The following HIVEP3 variants were observed in gnomAD, a reference collection of about 807,000 sequenced individuals.
HIVEP3 encodes transcription factor HIVEP3.
Under a neutral mutation model 152.8 loss-of-function variants are expected in HIVEP3, and 49 were observed. The observed-to-expected ratio is 0.32, with a 90% CI of 0.26 to 0.41. The LOEUF (loss-of-function observed/expected upper bound fraction) is 0.41. HIVEP3 is among the 10% of genes least tolerant of loss of function. HIVEP3 has a pLI of 1.00. For missense variants in HIVEP3, 2,790 were observed against 3,103.3 expected, an observed-to-expected ratio of 0.90 and a Z score of 2.40; for synonymous variants, 1,269 against 1,289.0, an observed-to-expected ratio of 0.98 and a Z score of 0.33.
At chr1:41,644,693 C>CTTTT (rs60511656) in intron 2 of HIVEP3, among the ~76,000 whole-genome samples, 977 of 74,622 alleles carry the variant, frequency 0.013, 43 homozygotes, top group African/African-American at 0.023. Flanking sequence ...CATATCTGTT[C>CTTTT]TTTTTTTTTT....
chr1:41,983,389 T>C (rs1007637913), intron 1 of HIVEP3, among the ~76,000 whole-genome samples: 1 of 152,166 alleles, frequency 6.6e-6, no homozygotes, highest in Non-Finnish European at 1.5e-5. Context: ...GTAAGGAACA[T>C]ACTCATAGTT....
chr1:41,543,241 C>G (rs1445724093), intron 5 of HIVEP3: 2 of 152,222 alleles, frequency 1.3e-5, no homozygotes, highest in African/African-American at 4.8e-5. Context: ...GCCTGCTGAT[C>G]CTGTCTCATC....
At chr1:41,679,784 GAATT>G (rs1646011048) in intron 2 of HIVEP3, among the ~76,000 whole-genome samples, 1 of 152,228 alleles carries the variant, frequency 6.6e-6, no homozygotes, top group African/African-American at 2.4e-5. Flanking sequence ...TCTAGGGCTA[GAATT>G]AATTTTCTCA....
At chr1:41,641,314 T>G (rs1570189865) in intron 2 of HIVEP3, among the ~76,000 whole-genome samples, 1 of 152,268 alleles carries the variant, frequency 6.6e-6, no homozygotes, top group South Asian at 2.1e-4. Context: ...GGAGGCAGAA[T>G]TGCTTTCTGC....
In HIVEP3 at chr1:41,513,006, C is replaced by T; in HGVS notation, c.6215G>A (p.Trp2072Ter). ...GLPRYSPTRRWSPGQAESPPR... is the reference protein window; with the variant it reads ...GLPRYSPTRR ...TGGTGACTCGGCCTGACCTGGAGACCATCTCCTGGTGGGCGAGTATCTGGG... is the reference window on the plus strand; with the variant it reads ...TGGTGACTCGGCCTGACCTGGAGACTATCTCCTGGTGGGCGAGTATCTGGG... Residue 2072 changes from tryptophan to a stop codon, truncating the protein, a stop_gained, in exon 8 of 9, where the codon TGG becomes TAG. Coordinates refer to ENST00000372583, the MANE Select transcript of HIVEP3 (RefSeq NM_024503.5). LOFTEE classifies it high-confidence loss of function. 1 of 1,613,504 alleles carries T rather than the reference C, an allele frequency of 6.2e-7. No homozygotes were observed. The highest frequency in any genetic ancestry group is 8.5e-7 in the Non-Finnish European group (1 of 1,179,706).
At chr1:41,789,572 G>C (rs1371043187) in intron 1 of HIVEP3, among the ~76,000 whole-genome samples, 1 of 152,198 alleles carries the variant, frequency 6.6e-6, no homozygotes, top group East Asian at 1.9e-4. Context: ...TAATTTGGCA[G>C]ACCTTATTGT....
chr1:41,575,078 C>G (rs796812573), intron 5 of HIVEP3, among the ~76,000 whole-genome samples: 9 of 152,358 alleles, frequency 5.9e-5, no homozygotes, highest in African/African-American at 2.2e-4. Context: ...ATACAGTGTG[C>G]AGTCAGCCCT....
intron 1 of HIVEP3, among the ~76,000 whole-genome samples, chr1:41,952,127 C>T (rs1226006201): frequency 6.6e-6 from 1 of 152,158 alleles, no homozygotes; most frequent in Non-Finnish European, 1.5e-5. Flanking sequence ...TACATTCTCT[C>T]TAGCTCATCT....
intron 1 of HIVEP3, among the ~76,000 whole-genome samples, chr1:41,931,532 G>A (rs1344878996): frequency 6.6e-6 from 1 of 152,006 alleles, no homozygotes; most frequent in African/African-American, 2.4e-5. Flanking sequence ...GGTACTGTCT[G>A]AGTCCTCCAA....
chr1:41,881,357 C>T (rs985806760), intron 1 of HIVEP3, among the ~76,000 whole-genome samples: 33 of 152,188 alleles, frequency 2.2e-4, no homozygotes, highest in African/African-American at 7.7e-4. Context: ...GTCTCTGGGG[C>T]AAGTTGCCAT....
chr1:41,888,274 A>T (rs113067873), intron 1 of HIVEP3, among the ~76,000 whole-genome samples: 1 of 143,858 alleles, frequency 7.0e-6, no homozygotes, highest in Non-Finnish European at 1.5e-5. Flanking sequence ...GGATGGTCTC[A>T]ATCTCCTGAC....
chr1:41,879,586 T>A (rs960797496), intron 1 of HIVEP3, among the ~76,000 whole-genome samples: 1 of 152,218 alleles, frequency 6.6e-6, no homozygotes, highest in Non-Finnish European at 1.5e-5. Context: ...CCTGGTCTAG[T>A]GGTACTGCCT....
chr1:42,013,388 TCA>T (rs1357696358), intron 1 of HIVEP3, among the ~76,000 whole-genome samples: 1 of 152,176 alleles, frequency 6.6e-6, no homozygotes, highest in African/African-American at 2.4e-5. Flanking sequence ...CCATAACACC[TCA>T]GTTTCTTCAA....
chr1:41,846,492 C>T (rs146981338), intron 1 of HIVEP3, among the ~76,000 whole-genome samples: 2,500 of 152,268 alleles, frequency 0.016, 39 homozygotes, highest in Non-Finnish European at 0.021. Flanking sequence ...CAGGCAATGC[C>T]GTCAAGGTTG....
Position 41,583,685 on chromosome 1 carries a change from C to T in HIVEP3, c.1113G>A (p.Arg371=). Residue 371 remains arginine (R), a synonymous_variant, in exon 4 of 9, where the codon AGG becomes AGA. Coordinates refer to ENST00000372583, the MANE Select transcript of HIVEP3 (RefSeq NM_024503.5). The surrounding 1 kb of genome is among the most constrained non-coding windows in gnomAD (Gnocchi z 6.9). ...ACGCCTGCTCATCGATCACCTTCTT[C>T]CTCTCGCTTAAGCGGAGGGCCAGCT... is the stretch of plus-strand genomic sequence containing the variant. ...KQKLALRLSE[R]KKVIDEQAFL... is the part of the protein sequence containing the mutation. 6.2e-7 allele frequency: 1 copy of T among 1,613,996 alleles called. No individual in the cohort carries two copies. Among genetic ancestry groups the T allele is most frequent in the East Asian group, 2.2e-5 (1 of 44,874 alleles).
At chr1:41,913,927 G>C (rs562399687) in intron 1 of HIVEP3, among the ~76,000 whole-genome samples, 1 of 152,122 alleles carries the variant, frequency 6.6e-6, no homozygotes, top group African/African-American at 2.4e-5. Flanking sequence ...CAATTCAAGG[G>C]TCCACCGATG....
chr1:41,901,755 C>A (rs1644627947), intron 1 of HIVEP3, among the ~76,000 whole-genome samples: 1 of 152,150 alleles, frequency 6.6e-6, no homozygotes. Flanking sequence ...GAGGTGACAC[C>A]ATGCACACAG....
intron 1 of HIVEP3, among the ~76,000 whole-genome samples, chr1:41,942,007 A>G (rs1570830323): frequency 1.3e-5 from 2 of 152,344 alleles, no homozygotes; most frequent in Admixed American, 1.3e-4. Flanking sequence ...AATATTAATA[A>G]TAAAAATTAA....
chr1:41,914,861 G>C (rs1644847478), intron 1 of HIVEP3, among the ~76,000 whole-genome samples: 1 of 152,218 alleles, frequency 6.6e-6, no homozygotes, highest in Non-Finnish European at 1.5e-5. Flanking sequence ...AAGTCATCAA[G>C]TTGGAACAAC....
Sources: gnomAD v4.1 joint callset for allele counts (sites outside exome capture counted in the v4.1 genomes callset) on GRCh38, gnomAD v4.1.1 for gene constraint, Gnocchi (gnomAD v3.1) non-coding constraint, MANE v1.5 for transcripts, NCBI Gene and HGNC (gene_info 2026-07-23, HGNC 2026-07-21) for gene names.